PDZD11: variants seen among roughly 807,000 people sequenced by gnomAD.
PDZD11 encodes the protein PDZ domain containing 11, also known as PDZ domain-containing protein 11.
PDZD11 carries 2 observed loss-of-function variants against 13.7 expected under a neutral mutation model. The ratio of observed to expected loss-of-function variants is 0.15; its 90% confidence interval spans 0.06 to 0.46. The LOEUF is 0.46. Among genes scored for constraint, PDZD11 ranks in the 20% least tolerant of loss-of-function variants. The pLI is 0.98. For synonymous variants in PDZD11, 32 were observed against 37.5 expected, an observed-to-expected ratio of 0.85 and a Z score of 0.54; for missense variants, 44 against 111.7, an observed-to-expected ratio of 0.39 and a Z score of 2.73.
At chrX:70,289,403 A>G in intron 1 of PDZD11, 49 bp from the exon 2 acceptor site, 2 of 1,175,396 alleles carry the variant, frequency 1.7e-6, no homozygotes, top group Non-Finnish European at 2.3e-6. Flanking sequence ...AAGGGAGAGC[A>G]GCCCAGCAAG....
chrX:70,289,661 A>G, intron 1 of PDZD11, 199 bp downstream of exon 1: 1 of 268,745 alleles, frequency 3.7e-6, no homozygotes, highest in South Asian at 5.7e-5. Context: ...AAAAAGATCT[A>G]CTTTCGAAGC....
chrX:70,287,956 C>A, intron 4 of PDZD11, 126 bp from the exon 5 acceptor site: 1 of 710,647 alleles, frequency 1.4e-6, no homozygotes, highest in Non-Finnish European at 2.2e-6. Flanking sequence ...AGACAGATGG[C>A]CTGCCAAATG....
In PDZD11 at chrX:70,288,370, C is replaced by A. The variant is rs182857837; in HGVS notation, c.171+60G>T. 1.2e-4 allele frequency: 125 copies of A among 1,056,219 alleles called. No individual in the cohort carries two copies. The African/African-American group carries it at 1.8e-3, about 15-fold the overall frequency. 87.0% of individuals were successfully genotyped at this position (1,056,219 alleles called of 1,213,427 possible). A position where few individuals can be genotyped will look rare whatever the true frequency, so the allele number is the denominator to read the frequency against. The stretch of plus-strand genomic sequence containing the variant: ...GCACCTGCTTTCCAATCCATCCCCC[C>A]AACACTGCCAATTTGTGGTATGGAT... On this transcript the variant is annotated intron_variant, in intron 3 of 6. Transcript: ENST00000239666.
intron 2 of PDZD11, 60 bp downstream of exon 2, chrX:70,289,195 G>T: frequency 1.1e-6 from 1 of 936,671 alleles, no homozygotes. Flanking sequence ...TACCTTTCAT[G>T]CATCATCTCA....
In PDZD11 at chrX:70,286,817, TA is replaced by T. The variant is rs765524277; in HGVS notation, c.*264del. 29 of 383,601 alleles carry T rather than the reference TA, an allele frequency of 7.6e-5. No homozygotes were observed. The South Asian group carries it at 1.4e-3, about 19-fold the overall frequency. The allele number at this position is 383,601 out of a possible 1,213,427, so 31.6% of individuals were successfully genotyped here. ...TAAGGGACTAGTGCATGATATTCAA[TA>T]AATGTCAGTTGTCTTTCCTAACTAG... On this transcript the variant is annotated 3_prime_UTR_variant, in exon 7 of 7. Coordinates refer to ENST00000239666, the MANE Select transcript of PDZD11 (RefSeq NM_016484.5).
At chrX:70,289,205 A>G in intron 2 of PDZD11, 50 bp downstream of exon 2, 1 of 1,045,722 alleles carries the variant, frequency 9.6e-7, no homozygotes, top group Non-Finnish European at 1.3e-6. Context: ...GCATCATCTC[A>G]TGCCCACGGG....
chrX:70,288,549 C>G, intron 2 of PDZD11, 36 bp from the exon 3 acceptor site: 1 of 1,053,809 alleles, frequency 9.5e-7, no homozygotes, highest in Non-Finnish European at 1.3e-6. Flanking sequence ...TTTTACCAGT[C>G]TTACTTCACA....
intron 2 of PDZD11, among the ~76,000 whole-genome samples, chrX:70,288,892 C>T (rs779964528): frequency 6.3e-5 from 7 of 110,298 alleles, no homozygotes; most frequent in African/African-American, 2.3e-4. Context: ...TTAGTAGAGA[C>T]GCGGTTTCTC....
chrX:70,288,396 G>A (rs375776992), intron 3 of PDZD11, 34 bp downstream of exon 3: 2 of 1,154,805 alleles, frequency 1.7e-6, no homozygotes, highest in Non-Finnish European at 2.4e-6. Context: ...TGGTATGGAT[G>A]AATCTAGCCT....
intron 3 of PDZD11, 47 bp downstream of exon 3, chrX:70,288,383 T>C (rs747426921): frequency 6.3e-6 from 7 of 1,111,301 alleles, no homozygotes; most frequent in East Asian, 3.0e-5. Flanking sequence ...CACTGCCAAT[T>C]TGTGGTATGG....
chrX:70,287,492 TTTTG>T (rs200559348), intron 5 of PDZD11, among the ~76,000 whole-genome samples, 156 bp from the exon 6 acceptor site: 6 of 110,875 alleles, frequency 5.4e-5, no homozygotes, highest in East Asian at 5.7e-4. Context: ...CTCTCTCTCT[TTTTG>T]TTTGTTTGTT....
intron 6 of PDZD11, 77 bp from the exon 7 acceptor site, chrX:70,287,193 T>C: frequency 8.8e-7 from 1 of 1,138,361 alleles, no homozygotes; most frequent in Non-Finnish European, 1.2e-6. Flanking sequence ...TATCCCCAAC[T>C]TGTAGGGCCT....
intron 1 of PDZD11, 60 bp downstream of exon 1, chrX:70,289,800 C>A (rs1157153990): frequency 1.6e-5 from 2 of 124,924 alleles, no homozygotes; most frequent in Non-Finnish European, 3.2e-5. Flanking sequence ...TCCCACGTCC[C>A]CGCCCCACAT....
At chrX:70,287,855 T>G (rs763678771) in intron 4 of PDZD11, 25 bp from the exon 5 acceptor site, 56 of 1,046,073 alleles carry the variant, frequency 5.4e-5, no homozygotes, top group Middle Eastern at 2.5e-4. Context: ...AGAATACATG[T>G]GATTGGGATG....
intron 4 of PDZD11, 100 bp downstream of exon 4, chrX:70,288,017 T>C (rs748216294): frequency 2.5e-6 from 2 of 796,029 alleles, no homozygotes; most frequent in Admixed American, 5.1e-5. Flanking sequence ...CTTCTATGAA[T>C]CCAGAGTCAT....
At position 70,289,243 on chromosome X, in the gene PDZD11, G is replaced by A. The variant is rs370777124; in HGVS notation, c.87+12C>T. ...AAAAAATCTCCTACTCAGGAATACAGATGGTTCCCACCTCATGAGGAGGAA... is the reference window on the plus strand; with the variant it reads ...AAAAAATCTCCTACTCAGGAATACAAATGGTTCCCACCTCATGAGGAGGAA... On this transcript the variant is annotated intron_variant, in intron 2 of 6. Coordinates refer to ENST00000239666, the MANE Select transcript of PDZD11 (RefSeq NM_016484.5). 1 of 1,192,675 alleles carries A rather than the reference G, an allele frequency of 8.4e-7. No homozygotes were observed.
At chrX:70,288,381 A>G (rs1466288336) in intron 3 of PDZD11, 49 bp downstream of exon 3, 6 of 1,105,992 alleles carry the variant, frequency 5.4e-6, no homozygotes, top group Non-Finnish European at 7.5e-6. Flanking sequence ...AACACTGCCA[A>G]TTTGTGGTAT....
At chrX:70,288,357 C>T (rs772074327) in intron 3 of PDZD11, 73 bp downstream of exon 3, 2 of 1,003,373 alleles carry the variant, frequency 2.0e-6, no homozygotes, top group Non-Finnish European at 2.8e-6. Context: ...ACCTGCTTTC[C>T]AATCCATCCC....
At chrX:70,287,610 G>A (rs1397369479) in intron 5 of PDZD11, 122 bp downstream of exon 5, 5 of 559,672 alleles carry the variant, frequency 8.9e-6, no homozygotes, top group Non-Finnish European at 1.5e-5. Flanking sequence ...TGGGATTACA[G>A]GCGTGTACCA....
Sources: allele counts gnomAD v4.1 joint callset (sites outside exome capture counted in the v4.1 genomes callset), GRCh38; gene constraint gnomAD v4.1.1; transcripts MANE v1.5; gene names NCBI Gene and HGNC (gene_info 2026-07-23, HGNC 2026-07-21).